FOXJ3: variants seen among roughly 807,000 people sequenced by gnomAD.
The protein encoded by FOXJ3 is forkhead box protein J3.
Under a neutral mutation model 76.1 loss-of-function variants are expected in FOXJ3, and 22 were observed. The ratio of observed to expected loss-of-function variants is 0.29; its 90% CI spans 0.21 to 0.41. The LOEUF (loss-of-function observed/expected upper bound fraction) is 0.41, where lower values mean the gene tolerates loss of function less well. Among genes scored for constraint, FOXJ3 ranks in the 10% least tolerant of loss-of-function variants. The pLI is 1.00. For synonymous variants in FOXJ3, 269 were observed against 261.2 expected (o/e 1.03, Z -0.29); for missense variants, 613 against 762.1 (o/e 0.80, Z 2.30).
intron 1 of FOXJ3, among the ~76,000 whole-genome samples, chr1:42,322,936 TC>T (rs896030444): frequency 6.6e-6 from 1 of 152,242 alleles, no homozygotes; most frequent in Non-Finnish European, 1.5e-5. Flanking sequence ...TGAGGGTTTT[TC>T]GTTTTGTTTT....
intron 6 of FOXJ3, among the ~76,000 whole-genome samples, chr1:42,200,676 C>CTATG (rs755429024): frequency 6.6e-6 from 1 of 152,206 alleles, no homozygotes; most frequent in Non-Finnish European, 1.5e-5. Flanking sequence ...GACGGGGTTT[C>CTATG]ACTATGTTGG....
intron 2 of FOXJ3, among the ~76,000 whole-genome samples, chr1:42,310,278 T>C (rs2124755569): frequency 6.6e-6 from 1 of 151,778 alleles, no homozygotes; most frequent in East Asian, 1.9e-4. Flanking sequence ...CCCGAGTAGC[T>C]GGGATTACAG....
chr1:42,235,613 A>T (rs573074726), intron 4 of FOXJ3, among the ~76,000 whole-genome samples: 16 of 150,382 alleles, frequency 1.1e-4, no homozygotes, highest in African/African-American at 3.7e-4. Flanking sequence ...GCCATGCTGG[A>T]GTGCAGTGGC....
chr1:42,223,371 T>C (rs1647302869), intron 5 of FOXJ3, among the ~76,000 whole-genome samples: 1 of 152,214 alleles, frequency 6.6e-6, no homozygotes, highest in Non-Finnish European at 1.5e-5. Context: ...AAAGTAAAAG[T>C]CCTGATCTCA....
intron 2 of FOXJ3, among the ~76,000 whole-genome samples, chr1:42,303,952 G>T (rs943650800): frequency 2.6e-5 from 4 of 152,022 alleles, no homozygotes; most frequent in Admixed American, 1.3e-4. Context: ...AAAATAAAGG[G>T]CACACAAATT....
intron 2 of FOXJ3, among the ~76,000 whole-genome samples, chr1:42,287,806 C>CA (rs1262629350): frequency 4.6e-5 from 7 of 151,768 alleles, no homozygotes; most frequent in East Asian, 3.9e-4. Context: ...ACAAAAAATA[C>CA]AAAAAAAATT....
intron 4 of FOXJ3, among the ~76,000 whole-genome samples, chr1:42,250,076 TAG>T (rs1392274371): frequency 6.6e-6 from 1 of 152,126 alleles, no homozygotes; most frequent in Non-Finnish European, 1.5e-5. Flanking sequence ...ACCACGGAAG[TAG>T]ACTTGGGTTT....
At position 42,191,684 on chromosome 1, in the gene FOXJ3, A is replaced by T; in HGVS notation, c.970T>A (p.Ser324Thr). 6.2e-7 allele frequency: 1 copy of T among 1,613,956 alleles called. No homozygotes were observed. The highest frequency in any genetic ancestry group is 8.5e-7 in the Non-Finnish European group (1 of 1,179,862). Residue 324 changes from serine to threonine, a missense_variant, in exon 9 of 13, where the codon TCC (serine) becomes ACC (threonine). Coordinates refer to ENST00000361346, the MANE Select transcript of FOXJ3 (RefSeq NM_014947.5). ...MNIPSESSQQSHTSCTYQHSP... is the reference protein window; with the variant it reads ...MNIPSESSQQTHTSCTYQHSP... ...TGCTGATAGGTACATGAAGTGTGGG[A>T]CTGCTGGGAAGATTCAGAAGGGATG...
Position 42,195,063 on chromosome 1 carries a change from A to C in FOXJ3, c.761T>G (p.Val254Gly), listed in dbSNP as rs768511334. 3 of 1,592,126 alleles carry C rather than the reference A, an allele frequency of 1.9e-6. No homozygotes were observed. Among genetic ancestry groups the C allele is most frequent in the South Asian group, 2.3e-5 (2 of 86,446 alleles). ...AGAGACTGATTCTGGATGGCTTGTC[A>C]CCTAACATTAAAAGAAAACACAACT... is the stretch of plus-strand genomic sequence containing the variant. ...SVGSVHSYTP[V>G]TSHPESVSQS... is the part of the protein sequence containing the mutation. Residue 254 changes from valine (V) to glycine (G), a missense_variant and splice_region_variant, in exon 8 of 13, where the codon GTG (valine) becomes GGG (glycine). Val to Gly is a moderately radical substitution (Grantham distance 109, BLOSUM62 -3). Coordinates refer to ENST00000361346, the MANE Select transcript of FOXJ3 (RefSeq NM_014947.5).
At chr1:42,231,668 G>A (rs890005708) in intron 4 of FOXJ3, among the ~76,000 whole-genome samples, 4 of 152,092 alleles carry the variant, frequency 2.6e-5, no homozygotes, top group African/African-American at 4.8e-5. Context: ...GTACCTCTCA[G>A]CCGTTTCTAT....
intron 4 of FOXJ3, among the ~76,000 whole-genome samples, chr1:42,256,904 A>C (rs567143659): frequency 1.3e-5 from 2 of 152,346 alleles, no homozygotes; most frequent in South Asian, 2.1e-4. Flanking sequence ...CAAACAAGTG[A>C]TATATGTAGC....
intron 10 of FOXJ3, 29 bp downstream of exon 10, chr1:42,189,274 G>T: frequency 7.4e-7 from 1 of 1,358,952 alleles, no homozygotes; most frequent in Non-Finnish European, 1.1e-6. Flanking sequence ...TGTGTATTTG[G>T]TTATATGTCA....
chr1:42,328,211 G>A (rs1326888629), intron 1 of FOXJ3, among the ~76,000 whole-genome samples: 3 of 152,190 alleles, frequency 2.0e-5, no homozygotes, highest in Non-Finnish European at 2.9e-5. Context: ...CAGGAGGATC[G>A]CTTGAGCCCT....
chr1:42,232,736 C>T (rs1365162274), intron 4 of FOXJ3, among the ~76,000 whole-genome samples: 8 of 152,180 alleles, frequency 5.3e-5, no homozygotes, highest in African/African-American at 1.2e-4. Flanking sequence ...TTCTCCCATT[C>T]TGTAGGCTGC....
At chr1:42,222,260 C>T (rs555119417) in intron 5 of FOXJ3, among the ~76,000 whole-genome samples, 2 of 151,848 alleles carry the variant, frequency 1.3e-5, no homozygotes, top group Non-Finnish European at 2.9e-5. Flanking sequence ...TTCAGTTCAT[C>T]CATCAGGCCT....
At chr1:42,220,584 A>G (rs554882173) in intron 5 of FOXJ3, among the ~76,000 whole-genome samples, 8 of 152,274 alleles carry the variant, frequency 5.3e-5, no homozygotes, top group Non-Finnish European at 7.4e-5. Flanking sequence ...CATGCAGGGC[A>G]AGCCAAAGGT....
intron 1 of FOXJ3, among the ~76,000 whole-genome samples, chr1:42,312,285 T>C (rs1476583201): frequency 6.6e-6 from 1 of 152,184 alleles, no homozygotes; most frequent in Non-Finnish European, 1.5e-5. Flanking sequence ...CTTGAACTCC[T>C]GGGCTCAAGT....
chr1:42,311,507 A>T (rs1286093085), intron 1 of FOXJ3, among the ~76,000 whole-genome samples: 1 of 152,186 alleles, frequency 6.6e-6, no homozygotes, highest in Non-Finnish European at 1.5e-5. Flanking sequence ...CCACAGAGTT[A>T]AGCATGCAAG....
chr1:42,218,319 GA>G (rs1440120449), intron 5 of FOXJ3, among the ~76,000 whole-genome samples: 2 of 152,092 alleles, frequency 1.3e-5, no homozygotes, highest in African/African-American at 4.8e-5. Flanking sequence ...ATCCCACCTA[GA>G]AAAATGTTCT....
Sources: gnomAD v4.1 joint callset for allele counts (sites outside exome capture counted in the v4.1 genomes callset) on GRCh38, gnomAD v4.1.1 for gene constraint, MANE v1.5 for transcripts, NCBI Gene and HGNC (gene_info 2026-07-23, HGNC 2026-07-21) for gene names.